NAPA: variants seen among roughly 807,000 people sequenced by gnomAD.
The protein encoded by NAPA is alpha-soluble NSF attachment protein.
In NAPA, 18 loss-of-function variants were observed where a neutral mutation model predicts 48.0. The ratio of observed to expected loss-of-function variants is 0.38; its 90% CI spans 0.26 to 0.56. The LOEUF (loss-of-function observed/expected upper bound fraction) is 0.56. NAPA is among the 20% of genes least tolerant of loss of function. The pLI is 0.77. For missense variants in NAPA, 315 were observed against 385.0 expected, an observed-to-expected ratio of 0.82 and a Z score of 1.52; for synonymous variants, 152 against 149.9, an observed-to-expected ratio of 1.01 and a Z score of -0.10.
chr19:47,490,834 T>G lies in NAPA; in HGVS notation c.689A>C (p.Glu230Ala), dbSNP rs1568463320. 6.2e-7 allele frequency: 1 copy of G among 1,613,758 alleles called. No individual in the cohort carries two copies. The highest frequency in any genetic ancestry group is 8.5e-7 in the Non-Finnish European group (1 of 1,179,828). Residue 230 changes from glutamate to alanine, a missense_variant, in exon 9 of 11, where the codon GAG (glutamate) becomes GCG (alanine). Glu to Ala is a moderately radical substitution (Grantham distance 107). This residue lies in a region of NAPA where 137 missense variants were observed against 150.1 expected (regional missense o/e 0.91). Transcript: ENST00000263354. ...GGAATCAGAGAAAGCTGGGAACAGC[T>G]CCTCATACTTTTGGACAGCCAGCTG... ...NAKLAVQKYE[E>A]LFPAFSDSRE...
At position 47,493,151 on chromosome 19, in the gene NAPA, A is replaced by C. The variant is rs1968325424; in HGVS notation, c.444T>G (p.Ser148=). Residue 148 remains serine (S), a synonymous_variant, in exon 6 of 11, where the codon TCT becomes TCG. Transcript: ENST00000263354. The surrounding 1 kb of genome is among the most constrained non-coding windows in gnomAD (Gnocchi z 6.4). ...IEKAIAHYEQ[S]ADYYKGEESN... ...ACTCCTCGCCTTTGTAGTAGTCTGC[A>C]GACTGCTCGTAGTGGGCAATGGCCT... The C allele has an allele frequency of 6.2e-7, 1 of 1,605,372 alleles. No individual in the cohort carries two copies. The highest frequency in any genetic ancestry group is 1.7e-5 in the Admixed American group (1 of 59,620).
chr19:47,510,868 C>G (rs1968792525), intron 1 of NAPA, among the ~76,000 whole-genome samples: 1 of 152,184 alleles, frequency 6.6e-6, no homozygotes, highest in Non-Finnish European at 1.5e-5. Context: ...TGAGCTGCGC[C>G]CCCATCACCA....
intron 1 of NAPA, among the ~76,000 whole-genome samples, chr19:47,510,422 C>G (rs1236019347): frequency 6.6e-6 from 1 of 152,210 alleles, no homozygotes; most frequent in Non-Finnish European, 1.5e-5. Flanking sequence ...AATGACAATA[C>G]CTACTAATAA....
intron 1 of NAPA, among the ~76,000 whole-genome samples, chr19:47,505,855 GT>G (rs1489607680): frequency 6.6e-6 from 1 of 152,058 alleles, no homozygotes; most frequent in African/African-American, 2.4e-5. Context: ...TGCTGATGCT[GT>G]CCCCCACCCT....
chr19:47,497,714 C>T (rs1968466143), intron 3 of NAPA, among the ~76,000 whole-genome samples: 1 of 152,278 alleles, frequency 6.6e-6, no homozygotes, highest in South Asian at 2.1e-4. Flanking sequence ...AACCTGACTT[C>T]TGCGTCTCTG....
chr19:47,500,769 C>T lies in NAPA; in HGVS notation c.179-20G>A, dbSNP rs573778576. The T allele has an allele frequency of 4.5e-6, 7 of 1,567,738 alleles. No homozygotes were observed. In the South Asian group the frequency reaches 5.8e-5, roughly 13 times the overall value. On this transcript the variant is annotated intron_variant, in intron 2 of 10. Transcript: ENST00000263354. ...CAGCAGCTGGAACAGAAGAGAAGGG[C>T]AGTCCTGGCCTCAGTGGGGCTCCAC...
intron 9 of NAPA, among the ~76,000 whole-genome samples, chr19:47,490,060 GGT>G (rs58641405): frequency 5.4e-5 from 8 of 148,386 alleles, no homozygotes; most frequent in South Asian, 2.1e-4. Context: ...GTGTGGTGGA[GGT>G]GTGTGTGTGT....
At chr19:47,508,282 T>G (rs1023471979) in intron 1 of NAPA, among the ~76,000 whole-genome samples, 34 of 152,216 alleles carry the variant, frequency 2.2e-4, no homozygotes, top group Non-Finnish European at 2.2e-4. Flanking sequence ...GTCCACTGAC[T>G]GCACTGGAGC....
chr19:47,494,641 G>C (rs1399741664), intron 4 of NAPA, among the ~76,000 whole-genome samples: 2 of 151,364 alleles, frequency 1.3e-5, no homozygotes, highest in African/African-American at 4.9e-5. Context: ...GAGAGGCTAG[G>C]GCACGAGAAT....
At chr19:47,489,841 T>C (rs960506542) in intron 9 of NAPA, 80 bp from the exon 10 acceptor site, 44 of 1,479,428 alleles carry the variant, frequency 3.0e-5, no homozygotes, top group Non-Finnish European at 4.1e-5. Context: ...GGACACGCTA[T>C]CTGTATGCCA....
chr19:47,495,439 A>C lies in NAPA; in HGVS notation c.342+111T>G, dbSNP rs554092360. On this transcript the variant is annotated intron_variant, in intron 4 of 10. Transcript: ENST00000263354. ...CCCAGCTCCCACTTCCCCCTCCCCA[A>C]GTGGTTTGGCCGCAGAATAAGAACA... is the stretch of plus-strand genomic sequence containing the variant. 23 of 1,226,028 alleles carry C rather than the reference A, an allele frequency of 1.9e-5. No homozygotes were observed. The South Asian group carries it at 2.9e-4, about 16-fold the overall frequency. The allele number at this position is 1,226,028 out of a possible 1,614,324, so 75.9% of individuals were successfully genotyped here. A position where few individuals can be genotyped will look rare whatever the true frequency, so the allele number is the denominator to read the frequency against.
intron 1 of NAPA, 152 bp downstream of exon 1, chr19:47,514,691 T>A: frequency 4.3e-6 from 3 of 703,060 alleles, no homozygotes; most frequent in Non-Finnish European, 7.3e-6. Context: ...TCAGCCTGCG[T>A]CCCCTCTGCC....
chr19:47,494,784 A>AGC (rs1425410955), intron 4 of NAPA, among the ~76,000 whole-genome samples: 1 of 145,054 alleles, frequency 6.9e-6, no homozygotes, highest in African/African-American at 2.5e-5. Context: ...CACTGACAGG[A>AGC]GCCCCGGCCT....
intron 10 of NAPA, 83 bp from the exon 11 acceptor site, chr19:47,488,472 C>G: frequency 9.2e-7 from 1 of 1,090,956 alleles, no homozygotes; most frequent in East Asian, 2.5e-5. Context: ...CCAAGGTTTT[C>G]AAGATCTGTC....
At chr19:47,505,916 C>A (rs2122770470) in intron 1 of NAPA, among the ~76,000 whole-genome samples, 1 of 152,232 alleles carries the variant, frequency 6.6e-6, no homozygotes, top group East Asian at 1.9e-4. Flanking sequence ...CCCGCACTCG[C>A]CCTGCTGCAC....
At chr19:47,496,988 C>T (rs1968443070) in intron 3 of NAPA, 4 of 336,640 alleles carry the variant, frequency 1.2e-5, no homozygotes, top group South Asian at 6.6e-5. Flanking sequence ...ACAGTGGAAA[C>T]GGTGGCAAAA....
Position 47,503,484 on chromosome 19 carries a change from C to T in NAPA, c.117G>A (p.Glu39=), listed in dbSNP as rs1841168803. The change falls in exon 2 of 11, where the codon GAG becomes GAA. Residue 39 remains glutamate, a synonymous_variant. Coordinates refer to ENST00000263354, the MANE Select transcript of NAPA (RefSeq NM_003827.4). ...CTCTGGCGTAGATTTCGCATGCTTC[C>T]TCTATTTTGGATGAGCCTCTGGGGA... The part of the protein sequence containing the change: ...SGLFGGSSKI[E]EACEIYARAA... 6.2e-7 allele frequency: 1 copy of T among 1,614,204 alleles called. No individual in the cohort carries two copies. The highest frequency in any genetic ancestry group is 8.5e-7 in the Non-Finnish European group (1 of 1,180,030).
At chr19:47,490,170 G>A in intron 9 of NAPA, among the ~76,000 whole-genome samples, 1 of 148,688 alleles carries the variant, frequency 6.7e-6, no homozygotes, top group Non-Finnish European at 1.5e-5. Context: ...TGTGGGGTGT[G>A]TGTGGTGTGT....
At chr19:47,491,044 CTGGCTGCAGAGA>C (rs915724172) in intron 8 of NAPA, 188 bp from the exon 9 acceptor site, 2 of 524,790 alleles carry the variant, frequency 3.8e-6, no homozygotes, top group African/African-American at 2.0e-5. Context: ...CAGCACCAGC[CTGGCTGCAGAGA>C]TGGCTGCAGG....
Sources: allele counts gnomAD v4.1 joint callset (sites outside exome capture counted in the v4.1 genomes callset), GRCh38; gene constraint gnomAD v4.1.1; regional missense constraint gnomAD v4.1.1; non-coding constraint Gnocchi (gnomAD v3.1); transcripts MANE v1.5; gene names NCBI Gene and HGNC (gene_info 2026-07-23, HGNC 2026-07-21).